Variants in DOCK1 observed in about 807,000 individuals in gnomAD.
The protein encoded by DOCK1 is dedicator of cytokinesis protein 1.
Under a neutral mutation model 262.7 loss-of-function variants are expected in DOCK1, and 138 were observed. The observed-to-expected ratio is 0.53, with a 90% CI of 0.46 to 0.61. The LOEUF (loss-of-function observed/expected upper bound fraction) is 0.61. DOCK1 is among the 20% of genes least tolerant of loss of function. The pLI is 0.00. For synonymous variants in DOCK1, 866 were observed against 867.4 expected (o/e 1.00, Z 0.03); for missense variants, 1,908 against 2,370.7 (o/e 0.80, Z 4.05).
intron 23 of DOCK1, among the ~76,000 whole-genome samples, chr10:127,088,527 C>T (rs1252269226): frequency 2.0e-5 from 3 of 152,146 alleles, no homozygotes; most frequent in African/African-American, 7.2e-5. Flanking sequence ...GTTTCTGTTA[C>T]TGTCTCTGAA....
intron 40 of DOCK1, among the ~76,000 whole-genome samples, chr10:127,406,785 A>G (rs2067540567): frequency 6.6e-6 from 1 of 152,234 alleles, no homozygotes; most frequent in Admixed American, 6.5e-5. Flanking sequence ...ATTTTCAGAA[A>G]ATGTTATTCG....
intron 21 of DOCK1, among the ~76,000 whole-genome samples, chr10:127,049,513 T>A (rs559323526): frequency 1.1e-4 from 16 of 152,134 alleles, no homozygotes; most frequent in Non-Finnish European, 7.4e-5. Context: ...AGAGTGAGAC[T>A]CTGTCTCAAA....
intron 27 of DOCK1, among the ~76,000 whole-genome samples, chr10:127,216,539 G>C (rs1324617477): frequency 6.6e-6 from 1 of 151,648 alleles, no homozygotes; most frequent in Non-Finnish European, 1.5e-5. Flanking sequence ...ACAGCCATTG[G>C]GCTGGGCAAC....
chr10:126,993,354 A>G (rs1205609669), intron 6 of DOCK1, among the ~76,000 whole-genome samples: 2 of 152,164 alleles, frequency 1.3e-5, no homozygotes, highest in Non-Finnish European at 2.9e-5. Context: ...ACTAGAAGTG[A>G]CCATGCCCTA....
At chr10:127,137,664 T>G (rs2050815954) in intron 27 of DOCK1, 1 of 538,904 alleles carries the variant, frequency 1.9e-6, no homozygotes, top group Non-Finnish European at 3.2e-6. Context: ...ACAGAATACC[T>G]TGCTTCTGTT....
At chr10:127,037,647 T>A (rs1311345915) in intron 18 of DOCK1, 72 bp from the exon 19 acceptor site, 7 of 1,324,372 alleles carry the variant, frequency 5.3e-6, no homozygotes, top group Non-Finnish European at 7.3e-6. Context: ...GAACCTCACA[T>A]AATGCATGAT....
intron 3 of DOCK1, among the ~76,000 whole-genome samples, chr10:126,981,339 C>G (rs555701729): frequency 6.6e-6 from 1 of 152,326 alleles, no homozygotes; most frequent in East Asian, 1.9e-4. Flanking sequence ...TTCTCTTGGG[C>G]TCACATGTGC....
At chr10:127,043,333 C>A (rs893438536) in intron 21 of DOCK1, among the ~76,000 whole-genome samples, 169 bp downstream of exon 21, 1 of 152,124 alleles carries the variant, frequency 6.6e-6, no homozygotes, top group African/African-American at 2.4e-5. Flanking sequence ...ACCTAAAAAC[C>A]TTGTTGAAAG....
rs888804076 is a variant in DOCK1 at position 127,390,128 on chromosome 10, G to C, written c.3927+5219G>C. Among the ~76,000 whole-genome samples the C allele has an allele frequency of 3.9e-5, 6 of 152,100 alleles. No individual in the cohort carries two copies. The East Asian group carries it at 1.2e-3, about 29-fold the overall frequency. ...TGACGCCTCCCCAGAAGTGGCTGCT[G>C]CCATGCTTCCTGTACAGCCTATGGA... On this transcript the variant is annotated intron_variant, in intron 38 of 51. Transcript: ENST00000623213.
At chr10:127,058,633 A>G (rs540229862) in intron 22 of DOCK1, among the ~76,000 whole-genome samples, 1 of 149,778 alleles carries the variant, frequency 6.7e-6, no homozygotes, top group Admixed American at 6.6e-5. Flanking sequence ...TAAGCATCTC[A>G]TTTTCTGATT....
chr10:126,931,859 T>C (rs2034215376), intron 1 of DOCK1, among the ~76,000 whole-genome samples: 1 of 152,174 alleles, frequency 6.6e-6, no homozygotes, highest in African/African-American at 2.4e-5. Flanking sequence ...ATCTTGTGCC[T>C]GGTACAGAGT....
intron 23 of DOCK1, among the ~76,000 whole-genome samples, chr10:127,092,374 C>T (rs1432309709): frequency 6.6e-6 from 1 of 152,196 alleles, no homozygotes; most frequent in East Asian, 1.9e-4. Flanking sequence ...CCTGTGTGCC[C>T]ACCACGGGCC....
intron 31 of DOCK1, among the ~76,000 whole-genome samples, chr10:127,347,401 G>A (rs1235768590): frequency 1.3e-5 from 2 of 152,242 alleles, no homozygotes; most frequent in African/African-American, 2.4e-5. Flanking sequence ...GAGACGGCCC[G>A]TGGGGCTCAG....
At chr10:127,050,813 A>T (rs1219029929) in intron 21 of DOCK1, among the ~76,000 whole-genome samples, 1 of 152,152 alleles carries the variant, frequency 6.6e-6, no homozygotes, top group Non-Finnish European at 1.5e-5. Flanking sequence ...TGTGTTTATT[A>T]ATGAAGTTGA....
chr10:126,957,221 GA>G lies in DOCK1; in HGVS notation c.47-13478del, dbSNP rs1437057406. On this transcript the variant is annotated intron_variant, in intron 1 of 51. Coordinates refer to ENST00000623213, the MANE Select transcript of DOCK1 (RefSeq NM_001290223.2). ...AGGAGGAATTTCAAGCAACTACAAAGAAACCAAATATTTTTTGGCGAGTCCC... is the reference window on the plus strand; with the variant it reads ...AGGAGGAATTTCAAGCAACTACAAAGAACCAAATATTTTTTGGCGAGTCCC... Among the ~76,000 whole-genome samples the G allele has an allele frequency of 1.2e-3, 176 of 152,262 alleles. 1 individual carries two copies. The highest frequency in any genetic ancestry group is 4.1e-3 in the African/African-American group (169 of 41,548).
In DOCK1 at chr10:127,446,996, C is replaced by T. The variant is rs2070607298; in HGVS notation, c.5414-398C>T. On this transcript the variant is annotated intron_variant, in intron 50 of 51. Coordinates refer to ENST00000623213, the MANE Select transcript of DOCK1 (RefSeq NM_001290223.2). The surrounding 1 kb of genome is among the most constrained non-coding windows in gnomAD (Gnocchi z 4.4). The stretch of plus-strand genomic sequence containing the variant: ...ATAACTGCAGGGGTGACTGCAGGGG[C>T]CTGGCTTGGCTTCGAAAGCAGTAGC... Among the ~76,000 whole-genome samples, 1 of 152,098 alleles carries T rather than the reference C, an allele frequency of 6.6e-6. No homozygotes were observed. Among genetic ancestry groups the T allele is most frequent in the Non-Finnish European group, 1.5e-5 (1 of 68,030 alleles).
chr10:127,378,338 G>T (rs764482857), intron 35 of DOCK1, among the ~76,000 whole-genome samples: 2 of 152,182 alleles, frequency 1.3e-5, no homozygotes, highest in African/African-American at 2.4e-5. Context: ...GGAGTTGGGG[G>T]GCCGGTCCCA....
intron 29 of DOCK1, among the ~76,000 whole-genome samples, chr10:127,307,059 A>G (rs541753562): frequency 1.3e-5 from 2 of 152,328 alleles, no homozygotes; most frequent in East Asian, 1.9e-4. Flanking sequence ...ACTTCATTAT[A>G]TTACTTCTCA....
chr10:126,950,512 T>G (rs947234985), intron 1 of DOCK1, among the ~76,000 whole-genome samples: 134 of 152,238 alleles, frequency 8.8e-4, no homozygotes, highest in African/African-American at 2.8e-3. Context: ...CAATGGGGCC[T>G]TTGACAGTGC....
Sources: gnomAD v4.1 joint callset for allele counts (sites outside exome capture counted in the v4.1 genomes callset) on GRCh38, gnomAD v4.1.1 for gene constraint, Gnocchi (gnomAD v3.1) non-coding constraint, MANE v1.5 for transcripts, NCBI Gene and HGNC (gene_info 2026-07-23, HGNC 2026-07-21) for gene names.